ADCY2: variants seen among roughly 807,000 people sequenced by gnomAD.
ADCY2 encodes the protein adenylate cyclase type 2.
A neutral mutation model predicts 125.2 loss-of-function variants in ADCY2; 31 were observed. The observed-to-expected ratio is 0.25, with a 90% CI of 0.19 to 0.33. ADCY2 has a LOEUF of 0.33. Among genes scored for constraint, ADCY2 ranks in the 10% least tolerant of loss-of-function variants. The pLI is 1.00. For synonymous variants in ADCY2, 512 were observed against 548.4 expected (o/e 0.93, Z 0.93); for missense variants, 904 against 1,418.2 (o/e 0.64, Z 5.82).
chr5:7,496,512 G>A (rs1268921657), intron 2 of ADCY2, among the ~76,000 whole-genome samples: 6 of 151,964 alleles, frequency 3.9e-5, no homozygotes, highest in Admixed American at 1.3e-4. Flanking sequence ...GAATGAATTC[G>A]GCCATGTTAT....
chr5:7,674,443 C>T (rs1026154113), intron 4 of ADCY2, among the ~76,000 whole-genome samples: 1 of 152,174 alleles, frequency 6.6e-6, no homozygotes, highest in East Asian at 1.9e-4. Flanking sequence ...CGAGTGTGCT[C>T]ACCCCCTGGA....
At chr5:7,522,924 TCAAAAAAAAAA>T (rs988133836) in intron 3 of ADCY2, among the ~76,000 whole-genome samples, 14 of 43,118 alleles carry the variant, frequency 3.2e-4, no homozygotes, top group Non-Finnish European at 9.2e-4. Flanking sequence ...AAACTCCGTC[TCAAAAAAAAAA>T]CAAAAAAAAA....
intron 3 of ADCY2, among the ~76,000 whole-genome samples, chr5:7,551,032 C>G (rs192063847): frequency 6.8e-6 from 1 of 146,240 alleles, no homozygotes; most frequent in Non-Finnish European, 1.5e-5. Flanking sequence ...CTCCCTCCCT[C>G]CCTTCCTCCC....
chr5:7,751,832 C>T (rs1186192990), intron 15 of ADCY2, among the ~76,000 whole-genome samples: 1 of 152,146 alleles, frequency 6.6e-6, no homozygotes, highest in African/African-American at 2.4e-5. Flanking sequence ...CCAGGACACT[C>T]CTGGACCCAC....
At chr5:7,448,732 T>C (rs1237289068) in intron 2 of ADCY2, among the ~76,000 whole-genome samples, 1 of 152,170 alleles carries the variant, frequency 6.6e-6, no homozygotes, top group Non-Finnish European at 1.5e-5. Flanking sequence ...ACATGTGGTA[T>C]TTGGTTTTCT....
intron 16 of ADCY2, among the ~76,000 whole-genome samples, chr5:7,758,217 C>T (rs1560955251): frequency 6.6e-6 from 1 of 152,190 alleles, no homozygotes; most frequent in Non-Finnish European, 1.5e-5. Flanking sequence ...CCAGTGTTCC[C>T]ACCACACTTA....
At chr5:7,795,102 T>G (rs1359622975) in intron 20 of ADCY2, 1 of 152,188 alleles carries the variant, frequency 6.6e-6, no homozygotes. Flanking sequence ...CAAGCCTTCC[T>G]TGACCTCCTG....
chr5:7,738,217 C>A (rs750972133), intron 14 of ADCY2, among the ~76,000 whole-genome samples: 2 of 152,016 alleles, frequency 1.3e-5, no homozygotes, highest in Non-Finnish European at 2.9e-5. Context: ...ACTGAGAATT[C>A]TTATGAGAAT....
chr5:7,621,666 G>A (rs943399479), intron 3 of ADCY2, among the ~76,000 whole-genome samples: 9 of 152,120 alleles, frequency 5.9e-5, no homozygotes, highest in African/African-American at 1.9e-4. Context: ...AAAGATGGAA[G>A]GTATATTTAG....
chr5:7,796,839 T>C (rs983462946), intron 20 of ADCY2: 1 of 152,212 alleles, frequency 6.6e-6, no homozygotes, highest in Admixed American at 6.5e-5. Context: ...TCAATGGGCA[T>C]CAAAGCCAGC....
At chr5:7,694,239 G>A (rs562931657) in intron 5 of ADCY2, among the ~76,000 whole-genome samples, 2 of 152,330 alleles carry the variant, frequency 1.3e-5, no homozygotes, top group South Asian at 2.1e-4. Flanking sequence ...AGACCCTGCT[G>A]ACTGGTGCCC....
intron 24 of ADCY2, among the ~76,000 whole-genome samples, chr5:7,823,509 C>T (rs186641272): frequency 6.6e-5 from 10 of 152,256 alleles, no homozygotes; most frequent in Non-Finnish European, 5.9e-5. Flanking sequence ...CCAAGGCTTC[C>T]GGGACTTTCT....
intron 3 of ADCY2, among the ~76,000 whole-genome samples, chr5:7,559,806 C>A: frequency 6.6e-6 from 1 of 152,080 alleles, no homozygotes; most frequent in East Asian, 1.9e-4. Context: ...GCAAGAAAGA[C>A]CATACTGCTG....
intron 3 of ADCY2, among the ~76,000 whole-genome samples, chr5:7,525,592 C>T (rs541220735): frequency 1.3e-5 from 2 of 151,952 alleles, no homozygotes; most frequent in East Asian, 3.9e-4. Flanking sequence ...ATGATCTAGG[C>T]ATTAGGTGTT....
At chr5:7,522,788 T>A (rs1339648913) in intron 3 of ADCY2, among the ~76,000 whole-genome samples, 2 of 134,128 alleles carry the variant, frequency 1.5e-5, no homozygotes, top group Admixed American at 7.7e-5. Flanking sequence ...TAGCCGGGCG[T>A]GGTGGTGGGC....
intron 1 of ADCY2, among the ~76,000 whole-genome samples, chr5:7,402,508 G>C (rs1424604443): frequency 6.6e-6 from 1 of 152,122 alleles, no homozygotes; most frequent in Non-Finnish European, 1.5e-5. Flanking sequence ...GAGTCGGGTA[G>C]ACACAGTAAG....
chr5:7,789,295 A>G (rs1194959916), intron 19 of ADCY2, among the ~76,000 whole-genome samples: 1 of 152,258 alleles, frequency 6.6e-6, no homozygotes, highest in Non-Finnish European at 1.5e-5. Context: ...GGTATTTTTC[A>G]TGTATTCATC....
At chr5:7,761,362 C>T (rs1367771579) in intron 16 of ADCY2, among the ~76,000 whole-genome samples, 1 of 151,962 alleles carries the variant, frequency 6.6e-6, no homozygotes, top group East Asian at 1.9e-4. Context: ...GCTGGCCAGG[C>T]TGGTCTTGAA....
At chr5:7,650,249 A>AC (rs1561144887) in intron 4 of ADCY2, among the ~76,000 whole-genome samples, 1 of 87,806 alleles carries the variant, frequency 1.1e-5, no homozygotes, top group African/African-American at 3.8e-5. Context: ...CACACACACA[A>AC]ACGCACATTC....
Sources: gnomAD v4.1 joint callset for allele counts (sites outside exome capture counted in the v4.1 genomes callset) on GRCh38, gnomAD v4.1.1 for gene constraint, MANE v1.5 for transcripts, NCBI Gene and HGNC (gene_info 2026-07-23, HGNC 2026-07-21) for gene names.